MACROD1: variants seen among roughly 807,000 people sequenced by gnomAD.
The protein encoded by MACROD1 is ADP-ribose glycohydrolase MACROD1.
Under a neutral mutation model 41.4 loss-of-function variants are expected in MACROD1, and 31 were observed. The observed-to-expected ratio is 0.75, with a 90% confidence interval of 0.56 to 1.01. The LOEUF (loss-of-function observed/expected upper bound fraction) is 1.01, where lower values mean the gene tolerates loss of function less well. Among genes scored for constraint, MACROD1 ranks in the 50% least tolerant of loss-of-function variants. The pLI, the probability that MACROD1 is intolerant of heterozygous loss-of-function variation, is 0.00. For missense variants in MACROD1, 473 were observed against 460.0 expected (o/e 1.03, Z -0.26); for synonymous variants, 252 against 203.4 (o/e 1.24, Z -2.03).
At position 64,134,016 on chromosome 11, in the gene MACROD1, G is replaced by C. The variant is rs538218357; in HGVS notation, c.517+17223C>G. Among the ~76,000 whole-genome samples, 5 of 152,360 alleles carry C rather than the reference G, an allele frequency of 3.3e-5. No individual in the cohort carries two copies. The South Asian group carries it at 1.0e-3, about 32-fold the overall frequency. ...CAGGCAAAGGCCAGGAGCAGAGACAGAACATGCAGCTATAAAGCCCAAAGT... is the reference window on the plus strand; with the variant it reads ...CAGGCAAAGGCCAGGAGCAGAGACACAACATGCAGCTATAAAGCCCAAAGT... On this transcript the variant is annotated intron_variant, in intron 3 of 10. Coordinates refer to ENST00000255681, the MANE Select transcript of MACROD1 (RefSeq NM_014067.4).
chr11:64,135,564 G>A (rs534564695), intron 3 of MACROD1, among the ~76,000 whole-genome samples: 6 of 152,266 alleles, frequency 3.9e-5, no homozygotes, highest in Non-Finnish European at 7.4e-5. Flanking sequence ...GGACAAACAC[G>A]CAGGCCATAA....
intron 3 of MACROD1, chr11:64,081,806 G>A (rs529879714): frequency 6.6e-6 from 1 of 152,140 alleles, no homozygotes; most frequent in African/African-American, 2.4e-5. Flanking sequence ...GGAGCTGCCG[G>A]AGAGAGGTCC....
intron 3 of MACROD1, among the ~76,000 whole-genome samples, chr11:64,017,212 C>T (rs1043595557): frequency 1.3e-5 from 2 of 152,164 alleles, no homozygotes; most frequent in East Asian, 3.8e-4. Flanking sequence ...CTCAAGTGAT[C>T]CACCCGCCAC....
At position 64,122,554 on chromosome 11, in the gene MACROD1, T is replaced by C. The variant is rs567710159; in HGVS notation, c.517+28685A>G. On this transcript the variant is annotated intron_variant, in intron 3 of 10. Coordinates refer to ENST00000255681, the MANE Select transcript of MACROD1 (RefSeq NM_014067.4). This position sits in a 1 kb window ranked among gnomAD's most constrained non-coding sequence, Gnocchi z 4.0. ...CCTCCCTCTGAGCCCAGCCCAGCCC[T>C]GTCCGAACAAAGCCAGGCAGAGAGC... Among the ~76,000 whole-genome samples the C allele has an allele frequency of 6.6e-6, 1 of 152,322 alleles. No individual in the cohort carries two copies. Among genetic ancestry groups the C allele is most frequent in the South Asian group, 2.1e-4 (1 of 4,828 alleles).
At position 64,067,541 on chromosome 11, in the gene MACROD1, G is replaced by A. The variant is rs1944027443; in HGVS notation, c.518-52260C>T. Among the ~76,000 whole-genome samples, 1 of 152,110 alleles carries A rather than the reference G, an allele frequency of 6.6e-6. No individual in the cohort carries two copies. The highest frequency in any genetic ancestry group is 1.5e-5 in the Non-Finnish European group (1 of 67,996). ...CCCCAACTCCCCAGCCCCTCCCCCTGGGGCTCAGGGACCCAAAGCAGGGAC... is the reference window on the plus strand; with the variant it reads ...CCCCAACTCCCCAGCCCCTCCCCCTAGGGCTCAGGGACCCAAAGCAGGGAC... On this transcript the variant is annotated intron_variant, in intron 3 of 10. Coordinates refer to ENST00000255681, the MANE Select transcript of MACROD1 (RefSeq NM_014067.4). This position sits in a 1 kb window ranked among gnomAD's most constrained non-coding sequence, Gnocchi z 4.6.
intron 3 of MACROD1, among the ~76,000 whole-genome samples, chr11:64,020,351 G>A (rs971254201): frequency 6.6e-6 from 1 of 152,138 alleles, no homozygotes; most frequent in African/African-American, 2.4e-5. Flanking sequence ...TACATTTGGA[G>A]AGGAGGTAAA....
chr11:64,065,290 G>C (rs142989377), intron 3 of MACROD1, among the ~76,000 whole-genome samples: 4 of 152,154 alleles, frequency 2.6e-5, no homozygotes, highest in Non-Finnish European at 5.9e-5. Context: ...GGCAGGTGGC[G>C]GGCAAGCGTC....
At chr11:64,019,782 C>T (rs1017100943) in intron 3 of MACROD1, among the ~76,000 whole-genome samples, 3 of 151,758 alleles carry the variant, frequency 2.0e-5, no homozygotes, top group East Asian at 1.9e-4. Flanking sequence ...AATGCTGTGG[C>T]GAGGGGAATG....
intron 3 of MACROD1, among the ~76,000 whole-genome samples, chr11:64,073,195 C>T (rs184482787): frequency 6.6e-6 from 1 of 152,352 alleles, no homozygotes; most frequent in East Asian, 1.9e-4. Flanking sequence ...CCTGCTTCTG[C>T]CTAAGTTTAC....
At chr11:64,097,466 C>T (rs1565230994) in intron 3 of MACROD1, among the ~76,000 whole-genome samples, 3 of 152,222 alleles carry the variant, frequency 2.0e-5, no homozygotes, top group Middle Eastern at 3.2e-3. Context: ...CTGCTCTGGG[C>T]GCTGCCTGCT....
intron 3 of MACROD1, among the ~76,000 whole-genome samples, chr11:64,056,922 C>T (rs1251248822): frequency 6.6e-6 from 1 of 152,184 alleles, no homozygotes; most frequent in Non-Finnish European, 1.5e-5. Flanking sequence ...CGGGCTGACA[C>T]TGCCACAGGA....
Position 64,049,632 on chromosome 11 carries a change from T to G in MACROD1, c.518-34351A>C, listed in dbSNP as rs140213569. On this transcript the variant is annotated intron_variant, in intron 3 of 10. Transcript: ENST00000255681. ...CACAGACATCCTGATGGTTCAGGGTTGGAGGTGCCTGCTGAAGGGGGTGGA... is the reference window on the plus strand; with the variant it reads ...CACAGACATCCTGATGGTTCAGGGTGGGAGGTGCCTGCTGAAGGGGGTGGA... Among the ~76,000 whole-genome samples, 302 of 152,312 alleles carry G rather than the reference T, an allele frequency of 2.0e-3. 1 individual carries two copies. Among genetic ancestry groups the G allele is most frequent in the Middle Eastern group, 0.01 (3 of 294 alleles).
intron 3 of MACROD1, among the ~76,000 whole-genome samples, chr11:64,100,296 C>T (rs1458197954): frequency 6.6e-6 from 1 of 152,170 alleles, no homozygotes; most frequent in Non-Finnish European, 1.5e-5. Flanking sequence ...GGCTTTCTTT[C>T]CCTCCTTTCA....
intron 3 of MACROD1, among the ~76,000 whole-genome samples, chr11:64,111,240 A>C (rs1023836336): frequency 2.0e-5 from 3 of 152,214 alleles, no homozygotes; most frequent in African/African-American, 7.2e-5. Context: ...ACTGCTCAGA[A>C]CAGCTGAGTA....
At position 64,036,395 on chromosome 11, in the gene MACROD1, C is replaced by T. The variant is rs1366348510; in HGVS notation, c.518-21114G>A. Among the ~76,000 whole-genome samples the T allele has an allele frequency of 1.3e-5, 2 of 152,122 alleles. No individual in the cohort carries two copies. The highest frequency in any genetic ancestry group is 4.8e-5 in the African/African-American group (2 of 41,442). On this transcript the variant is annotated intron_variant, in intron 3 of 10. Coordinates refer to ENST00000255681, the MANE Select transcript of MACROD1 (RefSeq NM_014067.4). The surrounding 1 kb of genome is among the most constrained non-coding windows in gnomAD (Gnocchi z 5.6). ...TGGCGCTGGCCCCGCCGCGGGGAGG[C>T]GCGGGGTGCGCGGCCGGCGGCTCAG...
At chr11:64,001,073 G>T in intron 4 of MACROD1, 1 of 260,590 alleles carries the variant, frequency 3.8e-6, no homozygotes, top group Non-Finnish European at 7.4e-6. Context: ...GAGGGCGGCT[G>T]CAGGGCCTCG....
At position 64,096,064 on chromosome 11, in the gene MACROD1, G is replaced by A. The variant is rs527611817; in HGVS notation, c.517+55175C>T. Among the ~76,000 whole-genome samples the A allele has an allele frequency of 1.3e-5, 2 of 152,360 alleles. No individual in the cohort carries two copies. Among genetic ancestry groups the A allele is most frequent in the Admixed American group, 6.5e-5 (1 of 15,310 alleles). The stretch of plus-strand genomic sequence containing the variant: ...CAAACTGCCACTTGAGAGCTCCAGC[G>A]TGGGGACAGCGTGGGGCCCACTTCA... On this transcript the variant is annotated intron_variant, in intron 3 of 10. Coordinates refer to ENST00000255681, the MANE Select transcript of MACROD1 (RefSeq NM_014067.4). This position sits in a 1 kb window ranked among gnomAD's most constrained non-coding sequence, Gnocchi z 4.6.
intron 4 of MACROD1, among the ~76,000 whole-genome samples, chr11:64,009,392 C>A (rs151194333): frequency 6.6e-6 from 1 of 152,156 alleles, no homozygotes; most frequent in Non-Finnish European, 1.5e-5. Context: ...ACAGGCCTTC[C>A]CCCTGGGGGG....
chr11:63,999,013 C>G lies in MACROD1; in HGVS notation c.915G>C (p.Val305=), dbSNP rs372483288. ...KDKVDRLIIC[V]FLEKDEDIYR... is the part of the protein sequence containing the mutation. ...AGATGTCCTCGTCCTTCTCGAGGAA[C>G]ACGCAGATGATCAGCCGGTCCACCT... The change falls in exon 9 of 11, where the codon GTG becomes GTC. Residue 305 remains valine, a synonymous_variant. Coordinates refer to ENST00000255681, the MANE Select transcript of MACROD1 (RefSeq NM_014067.4). 108 of 1,608,142 alleles carry G rather than the reference C, an allele frequency of 6.7e-5. No homozygotes were observed. The highest frequency in any genetic ancestry group is 8.8e-5 in the Non-Finnish European group (104 of 1,177,994).
Sources: allele counts gnomAD v4.1 joint callset (sites outside exome capture counted in the v4.1 genomes callset), GRCh38; gene constraint gnomAD v4.1.1; non-coding constraint Gnocchi (gnomAD v3.1); transcripts MANE v1.5; gene names NCBI Gene and HGNC (gene_info 2026-07-23, HGNC 2026-07-21).